The following SEM1 variants were observed in gnomAD, a reference collection of about 807,000 sequenced individuals.
SEM1 encodes SEM1 26S proteasome subunit, also known as 26S proteasome complex subunit SEM1.
SEM1 carries 3 observed loss-of-function variants against 12.7 expected under a neutral mutation model. The ratio of observed to expected loss-of-function variants is 0.24; its 90% CI spans 0.11 to 0.61. SEM1 has a LOEUF of 0.61. SEM1 is among the 20% of genes least tolerant of loss of function. The probability of loss-of-function intolerance (pLI) is 0.88; values close to 1 mark genes in which losing one functional copy is unlikely to be tolerated. For missense variants in SEM1, 59 were observed against 81.3 expected (o/e 0.73, Z 1.06); for synonymous variants, 30 against 27.8 (o/e 1.08, Z -0.25).
At chr7:96,552,965 A>G (rs1385762233) in intron 2 of SEM1, among the ~76,000 whole-genome samples, 12 of 150,868 alleles carry the variant, frequency 8.0e-5, no homozygotes, top group African/African-American at 1.5e-4. Context: ...GCATTTTTTC[A>G]TGTGTCTTTT....
intron 2 of SEM1, among the ~76,000 whole-genome samples, chr7:96,521,546 A>T (rs1269771045): frequency 6.6e-6 from 1 of 152,038 alleles, no homozygotes; most frequent in Non-Finnish European, 1.5e-5. Flanking sequence ...GACTAATAAG[A>T]CCACAGCTGC....
chr7:96,623,642 TATG>T (rs1447425288), intron 2 of SEM1, among the ~76,000 whole-genome samples: 1 of 150,790 alleles, frequency 6.6e-6, no homozygotes, highest in Non-Finnish European at 1.5e-5. Context: ...TTTTGTTAGA[TATG>T]ATCATTTTAT....
chr7:96,588,389 C>G (rs1467907700), intron 2 of SEM1, among the ~76,000 whole-genome samples: 2,158 of 55,444 alleles, frequency 0.039, 28 homozygotes, highest in African/African-American at 0.075. Context: ...CACACACACA[C>G]ACACACACGA....
At chr7:96,571,487 C>G (rs1806026990) in intron 2 of SEM1, among the ~76,000 whole-genome samples, 1 of 151,430 alleles carries the variant, frequency 6.6e-6, no homozygotes. Context: ...TTGTTTTTGT[C>G]AGGTTTGTCA....
At chr7:96,623,841 G>T (rs1432934289) in intron 2 of SEM1, among the ~76,000 whole-genome samples, 1 of 152,096 alleles carries the variant, frequency 6.6e-6, no homozygotes, top group African/African-American at 2.4e-5. Flanking sequence ...GCAGGACTGT[G>T]CTCCCTCTGA....
At chr7:96,692,990 T>C (rs1170034844) in intron 2 of SEM1, among the ~76,000 whole-genome samples, 2 of 151,940 alleles carry the variant, frequency 1.3e-5, no homozygotes, top group African/African-American at 2.4e-5. Context: ...GAAGTATCAG[T>C]ATAACAGTGA....
intron 2 of SEM1, among the ~76,000 whole-genome samples, chr7:96,652,812 T>C (rs1563098765): frequency 6.6e-6 from 1 of 152,312 alleles, no homozygotes; most frequent in Non-Finnish European, 1.5e-5. Flanking sequence ...CAAGCATGCA[T>C]TGAAGAGTCT....
At chr7:96,707,770 C>T (rs572991507) in intron 1 of SEM1, among the ~76,000 whole-genome samples, 1 of 152,244 alleles carries the variant, frequency 6.6e-6, no homozygotes, top group South Asian at 2.1e-4. Context: ...TGAAAAAAAT[C>T]AAGTGTACCA....
chr7:96,576,077 C>T (rs1318090548), intron 2 of SEM1, among the ~76,000 whole-genome samples: 1 of 152,168 alleles, frequency 6.6e-6, no homozygotes, highest in African/African-American at 2.4e-5. Flanking sequence ...TGTCATTATA[C>T]AATGCCTTCT....
At chr7:96,623,599 TG>T (rs1352950652) in intron 2 of SEM1, among the ~76,000 whole-genome samples, 1 of 148,794 alleles carries the variant, frequency 6.7e-6, no homozygotes, top group Non-Finnish European at 1.5e-5. Flanking sequence ...AATATATACT[TG>T]TTTATATAAA....
In SEM1 at chr7:96,706,576, A is replaced by C. The variant is rs7458635; in HGVS notation, c.76+3112T>G. Reference sequence around the variant, plus strand: ...AAACTCCATCTCAAACAAACAAAAAAAAAAAAAAAAAAAAAAAAAGAGAGA... The same window carrying C: ...AAACTCCATCTCAAACAAACAAAAACAAAAAAAAAAAAAAAAAAAGAGAGA... On this transcript the variant is annotated intron_variant, in intron 1 of 2. Coordinates refer to ENST00000248566, the MANE Select transcript of SEM1 (RefSeq NM_006304.2). Among the ~76,000 whole-genome samples, 664 of 129,278 alleles carry C rather than the reference A, an allele frequency of 5.1e-3. 10 individuals are homozygous for C. In the East Asian group the frequency reaches 0.1, roughly 20 times the overall value. 84.8% of individuals were successfully genotyped at this position (129,278 alleles called of 152,430 possible).
At chr7:96,522,430 C>G (rs2115645076) in intron 2 of SEM1, among the ~76,000 whole-genome samples, 1 of 152,198 alleles carries the variant, frequency 6.6e-6, no homozygotes, top group African/African-American at 2.4e-5. Flanking sequence ...CTAGTAGGCA[C>G]TGTTCTGAGG....
chr7:96,516,298 G>A (rs757489329), intron 2 of SEM1, among the ~76,000 whole-genome samples: 18 of 152,058 alleles, frequency 1.2e-4, no homozygotes, highest in African/African-American at 3.6e-4. Context: ...GAAAAGACAA[G>A]TCACAAGCCA....
chr7:96,509,509 C>T (rs973531256), intron 2 of SEM1, among the ~76,000 whole-genome samples: 1 of 152,122 alleles, frequency 6.6e-6, no homozygotes, highest in East Asian at 1.9e-4. Context: ...AGAACAAACT[C>T]TACAGCTTGT....
chr7:96,558,961 A>C (rs1805613199), intron 2 of SEM1, among the ~76,000 whole-genome samples: 1 of 152,216 alleles, frequency 6.6e-6, no homozygotes. Flanking sequence ...TTAAATGGAT[A>C]TAATAAAATC....
chr7:96,571,487 C>A (rs1806026990), intron 2 of SEM1, among the ~76,000 whole-genome samples: 1 of 151,430 alleles, frequency 6.6e-6, no homozygotes, highest in African/African-American at 2.4e-5. Flanking sequence ...TTGTTTTTGT[C>A]AGGTTTGTCA....
At position 96,533,396 on chromosome 7, in the gene SEM1, G is replaced by T. The variant is rs187590535; in HGVS notation, c.171-26698C>A. 8.5e-5 allele frequency among the ~76,000 whole-genome samples: 13 copies of T among 152,120 alleles called. No individual in the cohort carries two copies. In the East Asian group the frequency reaches 1.9e-3, roughly 23 times the overall value. On this transcript the variant is annotated intron_variant and NMD_transcript_variant, in intron 2 of 3. Coordinates refer to the SEM1 transcript ENST00000466986. ...CATTACCTGCTACTACCTTCTAGAA[G>T]AGTCACCCGCAAAATTGCTCTTCTG... is the stretch of plus-strand genomic sequence containing the variant.
At chr7:96,577,431 T>C in intron 2 of SEM1, among the ~76,000 whole-genome samples, 1 of 152,052 alleles carries the variant, frequency 6.6e-6, no homozygotes, top group East Asian at 1.9e-4. Flanking sequence ...AATTATAAAA[T>C]TATTTATTAT....
At chr7:96,510,306 T>C (rs1008461093) in intron 2 of SEM1, among the ~76,000 whole-genome samples, 1 of 152,182 alleles carries the variant, frequency 6.6e-6, no homozygotes, top group Admixed American at 6.6e-5. Flanking sequence ...GCAAACATCA[T>C]AGTGTACTTA....
Sources: gnomAD v4.1 joint callset for allele counts (sites outside exome capture counted in the v4.1 genomes callset) on GRCh38, gnomAD v4.1.1 for gene constraint, MANE v1.5 for transcripts, NCBI Gene and HGNC (gene_info 2026-07-23, HGNC 2026-07-21) for gene names.